PIK3CB: variants seen among roughly 807,000 people sequenced by gnomAD.
PIK3CB encodes phosphatidylinositol 4,5-bisphosphate 3-kinase catalytic subunit beta isoform.
A neutral mutation model predicts 136.8 loss-of-function variants in PIK3CB; 39 were observed. The observed-to-expected ratio is 0.29, with a 90% CI of 0.22 to 0.37. The LOEUF (loss-of-function observed/expected upper bound fraction) is 0.37, where lower values mean the gene tolerates loss of function less well. Ranked by LOEUF, PIK3CB falls within the 10% of genes least tolerant of loss-of-function variation. The probability of loss-of-function intolerance (pLI) is 1.00; values close to 1 mark genes in which losing one functional copy is unlikely to be tolerated. For missense variants in PIK3CB, 868 were observed against 1,275.4 expected (o/e 0.68, Z 4.87); for synonymous variants, 428 against 436.6 (o/e 0.98, Z 0.25).
intron 1 of PIK3CB, among the ~76,000 whole-genome samples, chr3:138,818,081 T>G (rs1378399872): frequency 6.6e-6 from 1 of 152,156 alleles, no homozygotes; most frequent in Non-Finnish European, 1.5e-5. Flanking sequence ...AGCTTGAGCC[T>G]AGGAGTTCAA....
intron 2 of PIK3CB, among the ~76,000 whole-genome samples, chr3:138,760,203 G>C (rs1051519329): frequency 6.6e-6 from 1 of 152,036 alleles, no homozygotes; most frequent in African/African-American, 2.4e-5. Context: ...GATTACAGGC[G>C]TGACCCACCG....
At chr3:138,765,248 C>T (rs140343180) in intron 2 of PIK3CB, among the ~76,000 whole-genome samples, 5 of 152,158 alleles carry the variant, frequency 3.3e-5, no homozygotes, top group South Asian at 2.1e-4. Context: ...AACTGAGAGA[C>T]GGAAGTTGCA....
At chr3:138,787,922 CTTTT>C (rs35705968) in intron 2 of PIK3CB, among the ~76,000 whole-genome samples, 4 of 129,048 alleles carry the variant, frequency 3.1e-5, no homozygotes, top group Admixed American at 8.0e-5. Context: ...AACTAGAAGA[CTTTT>C]TTTTTTTTTT....
At chr3:138,745,450 T>C (rs573018669) in intron 4 of PIK3CB, among the ~76,000 whole-genome samples, 3 of 152,218 alleles carry the variant, frequency 2.0e-5, no homozygotes, top group East Asian at 3.9e-4. Flanking sequence ...CTGGCCAACA[T>C]GGGGAAACCC....
chr3:138,730,737 A>G (rs900019019), intron 8 of PIK3CB, among the ~76,000 whole-genome samples: 8 of 151,994 alleles, frequency 5.3e-5, no homozygotes, highest in African/African-American at 1.9e-4. Context: ...AGCATTGGCA[A>G]CATAGCAAGA....
At chr3:138,707,892 A>G (rs2044411025) in intron 10 of PIK3CB, among the ~76,000 whole-genome samples, 1 of 152,194 alleles carries the variant, frequency 6.6e-6, no homozygotes, top group Non-Finnish European at 1.5e-5. Context: ...AATATGGTCA[A>G]TTCACAGAAC....
chr3:138,715,287 A>C (rs2044584686), intron 8 of PIK3CB, among the ~76,000 whole-genome samples: 1 of 152,234 alleles, frequency 6.6e-6, no homozygotes, highest in Non-Finnish European at 1.5e-5. Flanking sequence ...CTGGGGCCAG[A>C]GTGATGCAGG....
At chr3:138,760,451 C>T (rs920274825) in intron 2 of PIK3CB, among the ~76,000 whole-genome samples, 4 of 152,162 alleles carry the variant, frequency 2.6e-5, no homozygotes, top group South Asian at 4.1e-4. Flanking sequence ...AACGCACTAT[C>T]CCAACAAATG....
At chr3:138,662,054 A>G (rs2043304892) in intron 21 of PIK3CB, among the ~76,000 whole-genome samples, 1 of 151,940 alleles carries the variant, frequency 6.6e-6, no homozygotes. Context: ...ATGATGTTCT[A>G]AAAGAGAAAA....
chr3:138,776,300 T>C lies in PIK3CB; in HGVS notation c.-16-16941A>G, dbSNP rs368107897. On this transcript the variant is annotated intron_variant, in intron 2 of 23. Coordinates refer to ENST00000674063, the MANE Select transcript of PIK3CB (RefSeq NM_006219.3). ...ATGTTTCCTGACTGAACGTAGCTACTAAAACCAACCCATACCTTTTTCTTC... is the reference window on the plus strand; with the variant it reads ...ATGTTTCCTGACTGAACGTAGCTACCAAAACCAACCCATACCTTTTTCTTC... 3.9e-4 allele frequency among the ~76,000 whole-genome samples: 60 copies of C among 152,294 alleles called. 1 individual carries two copies. In the South Asian group the frequency reaches 0.012, roughly 31 times the overall value.
chr3:138,676,577 T>C (rs2043648603), intron 19 of PIK3CB, among the ~76,000 whole-genome samples: 1 of 152,198 alleles, frequency 6.6e-6, no homozygotes, highest in Non-Finnish European at 1.5e-5. Context: ...GTTATTGTAA[T>C]AGCAAAATAG....
chr3:138,663,628 C>T (rs531538867), intron 21 of PIK3CB, among the ~76,000 whole-genome samples: 3 of 152,128 alleles, frequency 2.0e-5, no homozygotes, highest in East Asian at 1.9e-4. Flanking sequence ...GTAATCCGGC[C>T]GGCTCGGGAT....
rs2045147888 is a variant in PIK3CB at position 138,737,892 on chromosome 3, G to C, written c.622-6C>G. The C allele has an allele frequency of 6.4e-7, 1 of 1,562,288 alleles. No homozygotes were observed. The highest frequency in any genetic ancestry group is 8.7e-7 in the Non-Finnish European group (1 of 1,150,858). On this transcript the variant is annotated splice_polypyrimidine_tract_variant and splice_region_variant and intron_variant, in intron 5 of 23. Transcript: ENST00000674063. ...ACTTGAAAGCTAAACACGTCCTGAA[G>C]GGGGAGGGAGATGGGGAAAAAAGCA...
At chr3:138,830,903 AAATAATAAT>A (rs373908245) in intron 1 of PIK3CB, among the ~76,000 whole-genome samples, 4,681 of 136,936 alleles carry the variant, frequency 0.034, 159 homozygotes, top group African/African-American at 0.088. Flanking sequence ...CTCCGTCTCA[AAATAATAAT>A]AATAATAATA....
intron 1 of PIK3CB, among the ~76,000 whole-genome samples, chr3:138,834,453 G>C (rs1048712790): frequency 2.0e-5 from 3 of 152,130 alleles, no homozygotes; most frequent in African/African-American, 7.2e-5. Flanking sequence ...CCAGGGGCCG[G>C]GGGGCGCCAC....
At chr3:138,662,719 G>T (rs2043323325) in intron 21 of PIK3CB, among the ~76,000 whole-genome samples, 1 of 151,764 alleles carries the variant, frequency 6.6e-6, no homozygotes, top group Non-Finnish European at 1.5e-5. Flanking sequence ...CTAGTTTACA[G>T]TCCCACCAAC....
At chr3:138,809,656 GAGT>G (rs1001126878) in intron 1 of PIK3CB, among the ~76,000 whole-genome samples, 4 of 151,402 alleles carry the variant, frequency 2.6e-5, no homozygotes, top group African/African-American at 9.7e-5. Flanking sequence ...TTCACTATTG[GAGT>G]AGGAGTTTAC....
intron 1 of PIK3CB, among the ~76,000 whole-genome samples, chr3:138,830,618 C>T (rs1933984826): frequency 6.6e-6 from 1 of 151,620 alleles, no homozygotes; most frequent in South Asian, 2.1e-4. Flanking sequence ...AATAATAAAG[C>T]AGGGGCCGGA....
chr3:138,799,795 A>C (rs1559883315), intron 1 of PIK3CB, among the ~76,000 whole-genome samples: 1 of 151,964 alleles, frequency 6.6e-6, no homozygotes, highest in Non-Finnish European at 1.5e-5. Context: ...CTCCCACCTC[A>C]GCCTCCCTAG....
Sources: gnomAD v4.1 joint callset for allele counts (sites outside exome capture counted in the v4.1 genomes callset) on GRCh38, gnomAD v4.1.1 for gene constraint, MANE v1.5 for transcripts, NCBI Gene and HGNC (gene_info 2026-07-23, HGNC 2026-07-21) for gene names.